PAGE2B: variants seen among roughly 807,000 people sequenced by gnomAD.
PAGE2B encodes the protein putative G antigen family E member 3.
Under a neutral mutation model 7.6 loss-of-function variants are expected in PAGE2B, and 5 were observed. The observed-to-expected ratio is 0.66, with a 90% CI of 0.34 to 1.38. The LOEUF is 1.38. PAGE2B is among the 40% of genes most tolerant of loss of function. The pLI is 0.04. For synonymous variants in PAGE2B, 29 were observed against 26.7 expected (o/e 1.09, Z -0.27); for missense variants, 70 against 78.4 (o/e 0.89, Z 0.41).
At chrX:55,063,455 G>A in the PAGE2B span, among the ~76,000 whole-genome samples, 1 of 110,938 alleles carries the variant, frequency 9.0e-6, no homozygotes. Flanking sequence ...CAGTTTATTA[G>A]TTTTCTCGTG....
chrX:55,047,937 T>G, the PAGE2B span, among the ~76,000 whole-genome samples: 1 of 112,213 alleles, frequency 8.9e-6, no homozygotes, highest in East Asian at 2.8e-4. Flanking sequence ...TCTAGGGTTT[T>G]TATGGTTTTA....
the PAGE2B span, among the ~76,000 whole-genome samples, chrX:55,054,750 A>T: frequency 8.9e-6 from 1 of 111,995 alleles, no homozygotes; most frequent in African/African-American, 3.2e-5. Flanking sequence ...ATTCTTAAGC[A>T]TTGTGTTGAG....
the PAGE2B span, among the ~76,000 whole-genome samples, chrX:55,043,412 T>C: frequency 9.3e-6 from 1 of 107,602 alleles, no homozygotes; most frequent in Admixed American, 9.9e-5. Flanking sequence ...ATCCACAGAG[T>C]GGGAGAAAAT....
upstream of PAGE2B, among the ~76,000 whole-genome samples, chrX:55,073,331 C>A (rs1177921022): frequency 9.0e-6 from 1 of 111,254 alleles, no homozygotes; most frequent in Non-Finnish European, 1.9e-5. Context: ...ACTCCTTACA[C>A]TTCACGGGTA....
the PAGE2B span, among the ~76,000 whole-genome samples, chrX:55,063,699 A>G: frequency 9.0e-6 from 1 of 111,118 alleles, no homozygotes; most frequent in African/African-American, 3.3e-5. Context: ...GACCTGTTGT[A>G]TATAGTTTTA....
At chrX:55,076,452 A>G (rs765837091) in intron 2 of PAGE2B, 117 bp from the exon 3 acceptor site, 64 of 688,265 alleles carry the variant, frequency 9.3e-5, no homozygotes, top group Admixed American at 1.9e-4. Flanking sequence ...ATGTATATAC[A>G]TATATATGTG....
chrX:55,040,633 G>A, the PAGE2B span, among the ~76,000 whole-genome samples: 1 of 111,138 alleles, frequency 9.0e-6, no homozygotes, highest in South Asian at 3.8e-4. Flanking sequence ...TAGAAAGAAT[G>A]GTGGTTGTCA....
chrX:55,031,233 G>A, the PAGE2B span, among the ~76,000 whole-genome samples: 1 of 111,234 alleles, frequency 9.0e-6, no homozygotes, highest in Non-Finnish European at 1.9e-5. Flanking sequence ...ACATAGAGCT[G>A]GGATACCTTG....
chrX:55,047,557 C>T, the PAGE2B span, among the ~76,000 whole-genome samples: 2 of 111,744 alleles, frequency 1.8e-5, no homozygotes, highest in Non-Finnish European at 1.9e-5. Context: ...GTTCCTATTT[C>T]TCCACATCCT....
chrX:55,066,733 G>A, the PAGE2B span, among the ~76,000 whole-genome samples: 4 of 111,213 alleles, frequency 3.6e-5, no homozygotes, highest in African/African-American at 1.3e-4. Flanking sequence ...TTGACCTTTG[G>A]AAGTTTGATT....
chrX:55,054,829 A>C, the PAGE2B span: 1 of 111,924 alleles, frequency 8.9e-6, no homozygotes, highest in Non-Finnish European at 1.9e-5. Context: ...AGAATGGTAG[A>C]TATAACTGCC....
At chrX:55,046,961 G>T in the PAGE2B span, among the ~76,000 whole-genome samples, 1 of 111,715 alleles carries the variant, frequency 9.0e-6, no homozygotes, top group Non-Finnish European at 1.9e-5. Flanking sequence ...AAGTTTTAGG[G>T]TACATGTGCA....
chrX:55,077,953 GATAA>G (rs1221065871), intron 4 of PAGE2B, among the ~76,000 whole-genome samples: 1 of 95,070 alleles, frequency 1.1e-5, no homozygotes, highest in African/African-American at 4.1e-5. Context: ...TGTTTTACAT[GATAA>G]ATATATACAA....
chrX:55,053,270 A>G, the PAGE2B span, among the ~76,000 whole-genome samples: 2 of 112,021 alleles, frequency 1.8e-5, no homozygotes, highest in African/African-American at 6.5e-5. Context: ...TAACACAGGA[A>G]CAAAAAACCA....
chrX:55,049,033 C>G, the PAGE2B span, among the ~76,000 whole-genome samples: 2 of 111,756 alleles, frequency 1.8e-5, no homozygotes, highest in African/African-American at 6.5e-5. Flanking sequence ...TGAATTTTGT[C>G]AAAGGCCTTT....
the PAGE2B span, among the ~76,000 whole-genome samples, chrX:55,035,733 C>A: frequency 1.8e-5 from 2 of 111,943 alleles, no homozygotes; most frequent in Admixed American, 9.5e-5. Flanking sequence ...ATTTCAGTTT[C>A]CTTGTCTGTA....
chrX:55,044,449 C>T, the PAGE2B span, among the ~76,000 whole-genome samples: 1 of 111,013 alleles, frequency 9.0e-6, no homozygotes, highest in Non-Finnish European at 1.9e-5. Flanking sequence ...ACTTTGGGGA[C>T]TTGGGGGGAA....
chrX:55,075,491 C>G (rs1016135388), intron 1 of PAGE2B, among the ~76,000 whole-genome samples: 2 of 111,030 alleles, frequency 1.8e-5, no homozygotes, highest in African/African-American at 6.6e-5. Flanking sequence ...GGCCTGGGAA[C>G]TGGGAACGCT....
the PAGE2B span, among the ~76,000 whole-genome samples, chrX:55,037,430 A>T: frequency 9.0e-6 from 1 of 111,347 alleles, no homozygotes; most frequent in Non-Finnish European, 1.9e-5. Context: ...GTGGAGAAAT[A>T]GGAACACTTT....
Sources: gnomAD v4.1 joint callset for allele counts (sites outside exome capture counted in the v4.1 genomes callset) on GRCh38, gnomAD v4.1.1 for gene constraint, MANE v1.5 for transcripts, NCBI Gene and HGNC (gene_info 2026-07-23, HGNC 2026-07-21) for gene names.